Variants in REG1B observed in about 807,000 individuals in gnomAD.
REG1B encodes regenerating family member 1 beta.
Under a neutral mutation model 20.4 loss-of-function variants are expected in REG1B, and 21 were observed. The ratio of observed to expected loss-of-function variants is 1.03; its 90% confidence interval spans 0.73 to 1.48. The LOEUF (loss-of-function observed/expected upper bound fraction) is 1.48. Among genes scored for constraint, REG1B ranks in the 40% most tolerant of loss-of-function variants. The pLI is 0.00. For missense variants in REG1B, 247 were observed against 197.2 expected, an observed-to-expected ratio of 1.25 and a Z score of -1.51; for synonymous variants, 82 against 73.4, an observed-to-expected ratio of 1.12 and a Z score of -0.60.
At chr2:79,085,828 T>G (rs1672390833) in intron 4 of REG1B, 3 of 378,038 alleles carry the variant, frequency 7.9e-6, no homozygotes, top group African/African-American at 2.0e-5. Context: ...GTTCAGAATT[T>G]GATACAGAGA....
intron 2 of REG1B, 155 bp from the exon 3 acceptor site, chr2:79,087,085 T>C: frequency 1.6e-6 from 1 of 638,070 alleles, no homozygotes; most frequent in South Asian, 1.9e-5. Context: ...GCATCCTATC[T>C]CTTTTCTCTC....
intron 4 of REG1B, chr2:79,085,857 A>G: frequency 3.2e-6 from 1 of 307,908 alleles, no homozygotes; most frequent in Admixed American, 4.7e-5. Context: ...AGCCCATTAA[A>G]GAGAGTGGTT....
In REG1B at chr2:79,086,467, G is replaced by T; in HGVS notation, c.221C>A (p.Ser74Tyr). The part of the protein sequence containing the change: ...CQNMNSGNLV[S>Y]VLTQAEGAFV... ...GGCACCCTCCGCCTGGGTGAGCACAGACACCAGGTTGCCTGAATTCATGTT... is the reference window on the plus strand; with the variant it reads ...GGCACCCTCCGCCTGGGTGAGCACATACACCAGGTTGCCTGAATTCATGTT... Residue 74 changes from serine to tyrosine, a missense_variant, in exon 4 of 6, where the codon TCT becomes TAT. By Grantham distance (144) the Ser-to-Tyr change is moderately radical. Coordinates refer to ENST00000305089, the MANE Select transcript of REG1B (RefSeq NM_006507.4). The T allele has an allele frequency of 1.9e-6, 3 of 1,614,042 alleles. No individual in the cohort carries two copies. The highest frequency in any genetic ancestry group is 2.5e-6 in the Non-Finnish European group (3 of 1,179,998).
At chr2:79,087,824 C>A (rs1047224500) in intron 1 of REG1B, 135 bp downstream of exon 1, 3 of 451,328 alleles carry the variant, frequency 6.6e-6, no homozygotes, top group East Asian at 3.4e-5. Context: ...CCAAATTACC[C>A]GAAATCAGCT....
chr2:79,086,276 A>T (rs768044753), intron 4 of REG1B, 91 bp downstream of exon 4: 1 of 1,362,204 alleles, frequency 7.3e-7, no homozygotes, highest in Non-Finnish European at 1.0e-6. Context: ...AAACAAAAAG[A>T]TAAAAGTTGG....
At chr2:79,087,033 G>C (rs1188479740) in intron 2 of REG1B, 103 bp from the exon 3 acceptor site, 1 of 900,246 alleles carries the variant, frequency 1.1e-6, no homozygotes, top group Admixed American at 1.8e-5. Flanking sequence ...AGAACATATG[G>C]ATACAGTGAA....
chr2:79,087,053 G>A (rs950787099), intron 2 of REG1B, 123 bp from the exon 3 acceptor site: 22 of 773,032 alleles, frequency 2.8e-5, no homozygotes, highest in Middle Eastern at 3.8e-4. Context: ...ATACTGGGGC[G>A]ATTGCTCACT....
At chr2:79,087,409 T>C (rs1573186137) in intron 2 of REG1B, 140 bp downstream of exon 2, 1 of 800,954 alleles carries the variant, frequency 1.2e-6, no homozygotes, top group South Asian at 1.8e-5. Flanking sequence ...TTGAATGGGA[T>C]AAAATCAGCC....
At position 79,087,103 on chromosome 2, in the gene REG1B, C is replaced by T. The variant is rs1672411774; in HGVS notation, c.65-173G>A. 19 of 615,772 alleles carry T rather than the reference C, an allele frequency of 3.1e-5. 1 individual carries two copies. In the South Asian group the frequency reaches 3.8e-4, roughly 12 times the overall value. 38.1% of individuals were successfully genotyped at this position (615,772 alleles called of 1,614,324 possible). On this transcript the variant is annotated intron_variant, in intron 2 of 5. Coordinates refer to ENST00000305089, the MANE Select transcript of REG1B (RefSeq NM_006507.4). The stretch of plus-strand genomic sequence containing the variant: ...TCCTATCTCTTTTCTCTCTAGTTTC[C>T]TCTGCTCAAGACAAGAGCTCACAAT...
Position 79,086,415 on chromosome 2 carries a change from A to T in REG1B, c.273T>A (p.Ser91Arg). The T allele has an allele frequency of 6.2e-7, 1 of 1,613,892 alleles. No individual in the cohort carries two copies. Among genetic ancestry groups the T allele is most frequent in the Non-Finnish European group, 8.5e-7 (1 of 1,179,972 alleles). The change falls in exon 4 of 6, where the codon AGT becomes AGA. Residue 91 changes from serine (S) to arginine (R), a missense_variant. Ser to Arg is a moderately radical substitution (Grantham distance 110). Coordinates refer to ENST00000305089, the MANE Select transcript of REG1B (RefSeq NM_006507.4). ...TCCAGACATTGCTGTCATCAGTGCTACTCTCCTTAATCAGTGAGGCCACGA... is the reference window on the plus strand; with the variant it reads ...TCCAGACATTGCTGTCATCAGTGCTTCTCTCCTTAATCAGTGAGGCCACGA... ...GAFVASLIKE[S>R]STDDSNVWIG... is the part of the protein sequence containing the mutation.
chr2:79,085,293 A>C lies in REG1B; in HGVS notation c.434-10T>G. 1.3e-6 allele frequency: 2 copies of C among 1,597,532 alleles called. No homozygotes were observed. The highest frequency in any genetic ancestry group is 1.7e-6 in the Non-Finnish European group (2 of 1,165,000). On this transcript the variant is annotated splice_polypyrimidine_tract_variant and intron_variant, in intron 5 of 5. Coordinates refer to ENST00000305089, the MANE Select transcript of REG1B (RefSeq NM_006507.4). The stretch of plus-strand genomic sequence containing the variant: ...TTCCATTTCTTGAATCCTATGGTAC[A>C]ATGAGAAGTGTCAGACATAGAGGAT...
Position 79,086,941 on chromosome 2 carries a change from A to G in REG1B, c.65-11T>C, listed in dbSNP as rs1168269765. Reference sequence around the variant, plus strand: ...TCTGGGACTCCTGGCCTGGGGAAAAAAAAAAGGAGATAATTAAGAAAGAAT... The same window carrying G: ...TCTGGGACTCCTGGCCTGGGGAAAAGAAAAAGGAGATAATTAAGAAAGAAT... On this transcript the variant is annotated splice_polypyrimidine_tract_variant and intron_variant, in intron 2 of 5. Transcript: ENST00000305089. 3 of 1,606,110 alleles carry G rather than the reference A, an allele frequency of 1.9e-6. No homozygotes were observed. Among genetic ancestry groups the G allele is most frequent in the African/African-American group, 1.3e-5 (1 of 74,794 alleles).
chr2:79,086,360 G>A lies in REG1B; in HGVS notation c.321+7C>T. ...TTATAAGGAGATAGAGGTGGCTGCA[G>A]ACTGACCTTTTTTGGGTCATGGAGG... On this transcript the variant is annotated splice_region_variant and intron_variant, in intron 4 of 5. Coordinates refer to ENST00000305089, the MANE Select transcript of REG1B (RefSeq NM_006507.4). The A allele has an allele frequency of 1.2e-6, 2 of 1,613,982 alleles. No individual in the cohort carries two copies. Among genetic ancestry groups the A allele is most frequent in the Non-Finnish European group, 1.7e-6 (2 of 1,179,900 alleles).
rs757876537 is a variant in REG1B at position 79,087,562 on chromosome 2, C to T, written c.51G>A (p.Leu17=). 2.5e-6 allele frequency: 4 copies of T among 1,613,760 alleles called. No individual in the cohort carries two copies. The highest frequency in any genetic ancestry group is 3.4e-6 in the Non-Finnish European group (4 of 1,179,866). Residue 17 remains leucine (L), a synonymous_variant, in exon 2 of 6, where the codon CTG becomes CTA. Coordinates refer to ENST00000305089, the MANE Select transcript of REG1B (RefSeq NM_006507.4). ...GGAAAATCTCACCTTGGCTCAGAGA[C>T]AGGAACATCAGGGAGGAGATCAGCA... ...FFMLISSLMF[L]SLSQGQESQT...
chr2:79,085,460 G>T, intron 5 of REG1B, 32 bp downstream of exon 5: 2 of 1,551,658 alleles, frequency 1.3e-6, no homozygotes, highest in South Asian at 2.2e-5. Context: ...GGAAGGAAAT[G>T]GCAACAGGTG....
Position 79,087,613 on chromosome 2 carries a change from G to C in REG1B, c.-1C>G. On this transcript the variant is annotated 5_prime_UTR_variant, in exon 2 of 6. Coordinates refer to ENST00000305089, the MANE Select transcript of REG1B (RefSeq NM_006507.4). Reference sequence around the variant, plus strand: ...TGAAGAACGAGTTGGTCTGAGCCATGCTTAGCGGCAGTGAATCTCTTGCTT... The same window carrying C: ...TGAAGAACGAGTTGGTCTGAGCCATCCTTAGCGGCAGTGAATCTCTTGCTT... 1 of 1,613,516 alleles carries C rather than the reference G, an allele frequency of 6.2e-7. No homozygotes were observed. Among genetic ancestry groups the C allele is most frequent in the Non-Finnish European group, 8.5e-7 (1 of 1,179,556 alleles).
chr2:79,085,096 AG>A lies in REG1B; in HGVS notation c.*119del, dbSNP rs2104015536. 1 of 711,506 alleles carries A rather than the reference AG, an allele frequency of 1.4e-6. No homozygotes were observed. The highest frequency in any genetic ancestry group is 2.2e-5 in the Admixed American group (1 of 45,008). 44.1% of individuals were successfully genotyped at this position (711,506 alleles called of 1,614,324 possible). A position where few individuals can be genotyped will look rare whatever the true frequency, so the allele number is the denominator to read the frequency against. ...GAGACAGGTGAAGGTACTGAAGATCAGCGATGCAAACTCATTAGGGAGGAGA... is the reference window on the plus strand; with the variant it reads ...GAGACAGGTGAAGGTACTGAAGATCACGATGCAAACTCATTAGGGAGGAGA... On this transcript the variant is annotated 3_prime_UTR_variant, in exon 6 of 6. Coordinates refer to ENST00000305089, the MANE Select transcript of REG1B (RefSeq NM_006507.4).
At chr2:79,086,669 T>G in intron 3 of REG1B, 143 bp downstream of exon 3, 1 of 1,309,128 alleles carries the variant, frequency 7.6e-7, no homozygotes, top group Non-Finnish European at 1.1e-6. Flanking sequence ...AATGATGGGA[T>G]AAAGTAGATT....
At position 79,085,623 on chromosome 2, in the gene REG1B, A is replaced by T; in HGVS notation, c.322-20T>A. ...GCGGTTCTAGATGGAGAAGGGCCAGAACAGGGGCCATGGTCACTCAAAAAT... is the reference window on the plus strand; with the variant it reads ...GCGGTTCTAGATGGAGAAGGGCCAGTACAGGGGCCATGGTCACTCAAAAAT... On this transcript the variant is annotated intron_variant, in intron 4 of 5. Coordinates refer to ENST00000305089, the MANE Select transcript of REG1B (RefSeq NM_006507.4). The T allele has an allele frequency of 6.5e-7, 1 of 1,527,216 alleles. No homozygotes were observed. Among genetic ancestry groups the T allele is most frequent in the Non-Finnish European group, 9.0e-7 (1 of 1,105,956 alleles). 94.6% of individuals were successfully genotyped at this position (1,527,216 alleles called of 1,614,324 possible). A position where few individuals can be genotyped will look rare whatever the true frequency, so the allele number is the denominator to read the frequency against.
Sources: allele counts gnomAD v4.1 joint callset, GRCh38; gene constraint gnomAD v4.1.1; transcripts MANE v1.5; gene names NCBI Gene and HGNC (gene_info 2026-07-23, HGNC 2026-07-21).